Variants in ZNF704 observed in about 807,000 individuals in gnomAD.
The protein encoded by ZNF704 is glucocorticoid induced gene 1.
Under a neutral mutation model 44.7 loss-of-function variants are expected in ZNF704, and 10 were observed. The observed-to-expected ratio is 0.22, with a 90% CI of 0.14 to 0.38. The LOEUF (loss-of-function observed/expected upper bound fraction) is 0.38. Among genes scored for constraint, ZNF704 ranks in the 10% least tolerant of loss-of-function variants. The pLI, the probability that ZNF704 is intolerant of heterozygous loss-of-function variation, is 1.00. For missense variants in ZNF704, 390 were observed against 545.5 expected (o/e 0.71, Z 2.84); for synonymous variants, 211 against 207.6 (o/e 1.02, Z -0.14).
At chr8:80,861,824 C>G (rs927736983) in intron 1 of ZNF704, among the ~76,000 whole-genome samples, 1 of 151,714 alleles carries the variant, frequency 6.6e-6, no homozygotes, top group African/African-American at 2.4e-5. Context: ...GGAGGTCTAA[C>G]AGGTATGTCA....
At position 80,641,375 on chromosome 8, in the gene ZNF704, G is replaced by A. The variant is rs150651374; in HGVS notation, c.1230C>T (p.Phe410=). ...TCTGCCTGGGGGTCTCTCAGTCGAG[G>A]AACCTCTGGCAGGCCTTCTTCCAGC... ...ACRWKKACQR[F]LD is the part of the protein sequence containing the mutation. The change falls in exon 9 of 9, where the codon TTC becomes TTT. Residue 410 remains phenylalanine (F), a synonymous_variant. Transcript: ENST00000327835. 4.0e-5 allele frequency: 64 copies of A among 1,612,678 alleles called. No individual in the cohort carries two copies. The highest frequency in any genetic ancestry group is 1.6e-4 in the Middle Eastern group (1 of 6,078).
intron 2 of ZNF704, among the ~76,000 whole-genome samples, chr8:80,803,309 C>T (rs1326181594): frequency 1.3e-5 from 2 of 152,176 alleles, no homozygotes; most frequent in Non-Finnish European, 2.9e-5. Flanking sequence ...CTACCATTGA[C>T]ATTCTTCACA....
intron 2 of ZNF704, among the ~76,000 whole-genome samples, chr8:80,780,112 A>T (rs1807492217): frequency 6.6e-6 from 1 of 152,046 alleles, no homozygotes; most frequent in Non-Finnish European, 1.5e-5. Context: ...GGAAGAAGGA[A>T]CAGTGTGAGA....
At chr8:80,836,846 T>C (rs1808591788) in intron 1 of ZNF704, among the ~76,000 whole-genome samples, 1 of 152,182 alleles carries the variant, frequency 6.6e-6, no homozygotes, top group Non-Finnish European at 1.5e-5. Flanking sequence ...AGTTCTATCA[T>C]TCTGCAGGAC....
At chr8:80,736,144 T>C (rs1293097383) in intron 2 of ZNF704, among the ~76,000 whole-genome samples, 4 of 152,268 alleles carry the variant, frequency 2.6e-5, no homozygotes, top group Non-Finnish European at 4.4e-5. Flanking sequence ...GCTATTTCAA[T>C]GGACAGTTTT....
intron 1 of ZNF704, among the ~76,000 whole-genome samples, chr8:80,840,633 C>T (rs545305561): frequency 5.9e-5 from 9 of 152,136 alleles, no homozygotes; most frequent in Non-Finnish European, 1.3e-4. Context: ...CTCTATTCCC[C>T]GTCAGTCAAG....
chr8:80,840,111 A>G (rs1265883951), intron 1 of ZNF704, among the ~76,000 whole-genome samples: 1 of 152,212 alleles, frequency 6.6e-6, no homozygotes, highest in Admixed American at 6.5e-5. Flanking sequence ...AGTAAAGATA[A>G]TATGGCAATG....
intron 2 of ZNF704, chr8:80,812,009 C>G (rs1808091593): frequency 6.6e-6 from 1 of 152,460 alleles, no homozygotes; most frequent in African/African-American, 2.4e-5. Flanking sequence ...CTTGAATCAT[C>G]CTGAAACCAT....
chr8:80,691,729 C>T (rs1818638662), intron 3 of ZNF704, among the ~76,000 whole-genome samples: 1 of 152,236 alleles, frequency 6.6e-6, no homozygotes, highest in Non-Finnish European at 1.5e-5. Context: ...CAAATCTCTA[C>T]CAGATGTTGC....
chr8:80,872,094 G>T (rs1809262906), intron 1 of ZNF704, among the ~76,000 whole-genome samples: 1 of 152,154 alleles, frequency 6.6e-6, no homozygotes, highest in South Asian at 2.1e-4. Context: ...CACACTTTCA[G>T]TATTTCTGGA....
chr8:80,736,096 G>C (rs1029181077), intron 2 of ZNF704, among the ~76,000 whole-genome samples: 2 of 152,176 alleles, frequency 1.3e-5, no homozygotes, highest in Non-Finnish European at 2.9e-5. Context: ...AGTAAAGCTT[G>C]TTTAATTTTC....
chr8:80,784,051 T>A (rs1480144548), intron 2 of ZNF704, among the ~76,000 whole-genome samples: 1 of 152,202 alleles, frequency 6.6e-6, no homozygotes, highest in Admixed American at 6.5e-5. Context: ...CTTTTCTTTT[T>A]TGCTGAGCAC....
At chr8:80,670,434 A>G (rs1818260788) in intron 5 of ZNF704, 69 bp downstream of exon 5, 4 of 1,168,356 alleles carry the variant, frequency 3.4e-6, no homozygotes, top group Non-Finnish European at 5.1e-6. Flanking sequence ...GTGGTGTGCA[A>G]TTTCTGAGTG....
intron 2 of ZNF704, among the ~76,000 whole-genome samples, chr8:80,796,378 C>T (rs1807801195): frequency 6.6e-6 from 1 of 152,162 alleles, no homozygotes; most frequent in African/African-American, 2.4e-5. Context: ...ATAGGTTAAC[C>T]CATTCCTGAG....
At chr8:80,768,847 TTTC>T (rs1244856447) in intron 2 of ZNF704, among the ~76,000 whole-genome samples, 1 of 152,176 alleles carries the variant, frequency 6.6e-6, no homozygotes, top group Non-Finnish European at 1.5e-5. Flanking sequence ...TGAGCACTTC[TTTC>T]TTCTTCTGGA....
chr8:80,712,031 C>T (rs79248300), intron 2 of ZNF704, among the ~76,000 whole-genome samples: 3,392 of 152,300 alleles, frequency 0.022, 128 homozygotes, highest in African/African-American at 0.077. Flanking sequence ...ACAAAGTCCA[C>T]GTGTTGGAAA....
At chr8:80,823,288 C>T (rs572969170) in intron 1 of ZNF704, among the ~76,000 whole-genome samples, 2 of 152,324 alleles carry the variant, frequency 1.3e-5, no homozygotes, top group South Asian at 4.1e-4. Flanking sequence ...GTGCCTGGCT[C>T]GGAGGGTCCC....
chr8:80,830,549 A>G (rs1021133481), intron 1 of ZNF704, among the ~76,000 whole-genome samples: 1 of 152,046 alleles, frequency 6.6e-6, no homozygotes, highest in African/African-American at 2.4e-5. Context: ...GACTGTAGTG[A>G]TATCTGTATG....
At chr8:80,647,182 A>C (rs1180359917) in intron 7 of ZNF704, among the ~76,000 whole-genome samples, 1 of 152,268 alleles carries the variant, frequency 6.6e-6, no homozygotes, top group African/African-American at 2.4e-5. Flanking sequence ...ACGAAATCAC[A>C]CAAGATCATT....
Sources: allele counts gnomAD v4.1 joint callset (sites outside exome capture counted in the v4.1 genomes callset), GRCh38; gene constraint gnomAD v4.1.1; transcripts MANE v1.5; gene names NCBI Gene and HGNC (gene_info 2026-07-23, HGNC 2026-07-21).